RBFOX1: variants seen among roughly 807,000 people sequenced by gnomAD.
The protein encoded by RBFOX1 is RNA binding protein fox-1 homolog 1.
RBFOX1 carries 8 observed loss-of-function variants against 57.7 expected under a neutral mutation model. The ratio of observed to expected loss-of-function variants is 0.14; its 90% CI spans 0.08 to 0.25. RBFOX1 has a LOEUF of 0.25. Among genes scored for constraint, RBFOX1 ranks in the 10% least tolerant of loss-of-function variants. The pLI is 1.00. For synonymous variants in RBFOX1, 326 were observed against 222.4 expected (o/e 1.47, Z -4.15); for missense variants, 611 against 548.5 (o/e 1.11, Z -1.14).
chr16:5,647,106 A>G lies in RBFOX1; in HGVS notation c.318+48145A>G, dbSNP rs2049080112. On this transcript the variant is annotated intron_variant, in intron 3 of 19. Coordinates refer to the RBFOX1 transcript ENST00000641259. Reference sequence around the variant, plus strand: ...GATTGTTAAATGCCTGTGGACTCAGAATGTGTGTGTGTGTTTTAATGCATC... The same window carrying G: ...GATTGTTAAATGCCTGTGGACTCAGGATGTGTGTGTGTGTTTTAATGCATC... Among the ~76,000 whole-genome samples the G allele has an allele frequency of 2.6e-5, 4 of 152,256 alleles. No homozygotes were observed. In the South Asian group the frequency reaches 8.3e-4, roughly 32 times the overall value.
At chr16:7,077,419 A>G (rs185918532) in intron 4 of RBFOX1, among the ~76,000 whole-genome samples, 1 of 152,336 alleles carries the variant, frequency 6.6e-6, no homozygotes, top group East Asian at 1.9e-4. Flanking sequence ...TGAAGCTACT[A>G]CATTTATTAG....
rs144544769 is a variant in RBFOX1, at chr16:6,662,455, A to G, written c.-16+7805A>G. ...TTAGGGAGAAAAAGAGAGATGTGGA[A>G]TAGAAGAGGAACACATTTTCCTGCA... On this transcript the variant is annotated intron_variant, in intron 3 of 15. Transcript: ENST00000550418. Among the ~76,000 whole-genome samples the G allele has an allele frequency of 3.3e-3, 509 of 152,304 alleles. 5 individuals are homozygous for G. The highest frequency in any genetic ancestry group is 0.012 in the African/African-American group (488 of 41,576).
chr16:6,523,237 A>G (rs1159371425), intron 2 of RBFOX1, among the ~76,000 whole-genome samples: 1 of 152,088 alleles, frequency 6.6e-6, no homozygotes, highest in Non-Finnish European at 1.5e-5. Flanking sequence ...TACTTGGGAA[A>G]TACCTGAGGA....
chr16:7,301,966 T>G (rs571407365), intron 4 of RBFOX1, among the ~76,000 whole-genome samples: 3 of 152,166 alleles, frequency 2.0e-5, no homozygotes, highest in Non-Finnish European at 2.9e-5. Flanking sequence ...GGAATTCTTA[T>G]ATTATTTGTT....
rs548032171 is a variant in RBFOX1 at position 6,742,452 on chromosome 16, A to G, written c.-16+87802A>G. The stretch of plus-strand genomic sequence containing the variant: ...TCTTAAAATAAATAGACATTTACCA[A>G]TGAGTCAACAATCACATTTCTGGAC... On this transcript the variant is annotated intron_variant, in intron 3 of 15. Coordinates refer to ENST00000550418, the MANE Select transcript of RBFOX1 (RefSeq NM_018723.4). 9.2e-5 allele frequency among the ~76,000 whole-genome samples: 14 copies of G among 152,334 alleles called. 1 individual carries two copies. Among genetic ancestry groups the G allele is most frequent in the Middle Eastern group, 3.4e-3 (1 of 294 alleles).
chr16:5,613,454 C>G (rs775341537), intron 3 of RBFOX1, among the ~76,000 whole-genome samples: 23 of 152,174 alleles, frequency 1.5e-4, no homozygotes, highest in Non-Finnish European at 2.8e-4. Context: ...GCTGATGGCA[C>G]AGGGTTGCAG....
At chr16:6,795,995 T>C (rs79734719) in intron 3 of RBFOX1, among the ~76,000 whole-genome samples, 4,533 of 152,140 alleles carry the variant, frequency 0.03, 130 homozygotes, top group African/African-American at 0.065. Flanking sequence ...TTTTAAAATA[T>C]CATGGTTACT....
intron 4 of RBFOX1, among the ~76,000 whole-genome samples, chr16:5,867,752 C>G (rs1468801589): frequency 6.6e-6 from 1 of 152,038 alleles, no homozygotes; most frequent in Non-Finnish European, 1.5e-5. Flanking sequence ...CACTCTGTTG[C>G]CCAGGCTGGA....
intron 6 of RBFOX1, among the ~76,000 whole-genome samples, chr16:7,582,461 G>C (rs2152856401): frequency 6.6e-6 from 1 of 152,266 alleles, no homozygotes; most frequent in African/African-American, 2.4e-5. Flanking sequence ...CTATTCTAAA[G>C]AAATGCAGTT....
intron 4 of RBFOX1, among the ~76,000 whole-genome samples, chr16:7,417,571 T>C (rs371046184): frequency 2.6e-4 from 40 of 151,348 alleles, no homozygotes; most frequent in African/African-American, 8.8e-4. Context: ...TTCACTTCTC[T>C]GCAATGTCTC....
intron 4 of RBFOX1, chr16:7,332,970 G>A (rs370703920): frequency 6.2e-7 from 1 of 1,612,936 alleles, no homozygotes; most frequent in East Asian, 2.2e-5. Flanking sequence ...GATGTGTTGA[G>A]CTTCAGAGGG....
At chr16:6,324,916 C>T (rs2082201560) in intron 2 of RBFOX1, among the ~76,000 whole-genome samples, 1 of 152,144 alleles carries the variant, frequency 6.6e-6, no homozygotes, top group South Asian at 2.1e-4. Context: ...CAGAAATTAG[C>T]CCATTTTCTC....
intron 4 of RBFOX1, among the ~76,000 whole-genome samples, chr16:7,352,688 C>T (rs946104059): frequency 1.3e-5 from 2 of 152,006 alleles, no homozygotes; most frequent in African/African-American, 2.4e-5. Context: ...GGATCTGCCC[C>T]TCAATGTCTG....
intron 3 of RBFOX1, among the ~76,000 whole-genome samples, chr16:5,671,739 T>TG (rs1188106429): frequency 6.6e-6 from 1 of 152,220 alleles, no homozygotes; most frequent in Admixed American, 6.5e-5. Context: ...CTAATGCTTT[T>TG]GCTAATTCAG....
intron 1 of RBFOX1, among the ~76,000 whole-genome samples, chr16:6,233,240 A>G (rs1184432103): frequency 6.6e-6 from 1 of 152,176 alleles, no homozygotes. Context: ...CTTTAGCTGC[A>G]CTTGAAAGGA....
chr16:6,482,367 C>G (rs1042277548), intron 2 of RBFOX1, among the ~76,000 whole-genome samples: 1 of 152,222 alleles, frequency 6.6e-6, no homozygotes, highest in African/African-American at 2.4e-5. Context: ...ATCCAAGAGT[C>G]ATTTCCCCAG....
intron 1 of RBFOX1, among the ~76,000 whole-genome samples, chr16:6,177,775 G>C (rs572022713): frequency 2.0e-5 from 3 of 152,162 alleles, no homozygotes; most frequent in African/African-American, 7.2e-5. Flanking sequence ...AGTCGGTTAA[G>C]GAGACTTTCA....
intron 3 of RBFOX1, among the ~76,000 whole-genome samples, chr16:6,913,816 C>G (rs1057255361): frequency 3.3e-5 from 5 of 152,190 alleles, no homozygotes; most frequent in East Asian, 3.9e-4. Context: ...GCATGCTAAA[C>G]TACTTCCCAG....
At chr16:7,621,826 G>A (rs2059361689) in intron 10 of RBFOX1, among the ~76,000 whole-genome samples, 1 of 152,142 alleles carries the variant, frequency 6.6e-6, no homozygotes, top group Admixed American at 6.5e-5. Flanking sequence ...TGTCTGTAAA[G>A]GGCCAGACAG....
Sources: gnomAD v4.1 joint callset for allele counts (sites outside exome capture counted in the v4.1 genomes callset) on GRCh38, gnomAD v4.1.1 for gene constraint, MANE v1.5 for transcripts, NCBI Gene and HGNC (gene_info 2026-07-23, HGNC 2026-07-21) for gene names.